Variants in DNM2 observed in about 807,000 individuals in gnomAD.
DNM2 encodes the protein dynamin-2.
In DNM2, 15 loss-of-function variants were observed where a neutral mutation model predicts 99.0. The observed-to-expected ratio is 0.15, with a 90% CI of 0.10 to 0.23. DNM2 has a LOEUF of 0.23. DNM2 is among the 10% of genes least tolerant of loss of function. The probability of loss-of-function intolerance (pLI) is 1.00; values close to 1 mark genes in which losing one functional copy is unlikely to be tolerated. For synonymous variants in DNM2, 525 were observed against 481.2 expected (o/e 1.09, Z -1.19); for missense variants, 742 against 1,189.4 (o/e 0.62, Z 5.53).
intron 1 of DNM2, among the ~76,000 whole-genome samples, chr19:10,727,190 G>A (rs141000903): frequency 1.3e-5 from 2 of 152,040 alleles, no homozygotes; most frequent in Admixed American, 6.6e-5. Flanking sequence ...CCAAAGCTGC[G>A]CTCTAGGCTG....
At position 10,772,681 on chromosome 19, in the gene DNM2, C is replaced by T; in HGVS notation, c.385+53C>T. ...CTGACCGTTTCTGGTCGTTCATGGA[C>T]AGTGCTATGGGTGAGCCTGTGTACT... On this transcript the variant is annotated intron_variant, in intron 3 of 20. Transcript: ENST00000389253. The surrounding 1 kb of genome is among the most constrained non-coding windows in gnomAD (Gnocchi z 4.9). The T allele has an allele frequency of 6.2e-7, 1 of 1,611,616 alleles. No homozygotes were observed. The highest frequency in any genetic ancestry group is 8.5e-7 in the Non-Finnish European group (1 of 1,179,384).
In DNM2 at chr19:10,811,859, C is replaced by T. The variant is rs1371548755; in HGVS notation, c.1558-405C>T. ...TCCTTGGGGAGGGCCCCTGGGCTCA[C>T]ACCTTTGACCCTAGCCCTCTGTGTG... On this transcript the variant is annotated intron_variant, in intron 14 of 20. Transcript: ENST00000389253. This position sits in a 1 kb window ranked among gnomAD's most constrained non-coding sequence, Gnocchi z 5.4. 1.8e-5 allele frequency: 9 copies of T among 505,350 alleles called. No individual in the cohort carries two copies. The highest frequency in any genetic ancestry group is 1.2e-4 in the South Asian group (8 of 69,212). 31.3% of individuals were successfully genotyped at this position (505,350 alleles called of 1,614,324 possible).
intron 1 of DNM2, among the ~76,000 whole-genome samples, chr19:10,751,554 C>T (rs1311453698): frequency 6.6e-6 from 1 of 152,148 alleles, no homozygotes; most frequent in Admixed American, 6.5e-5. Context: ...AGGGCCAGGC[C>T]CCTGCTCACC....
chr19:10,829,534 A>T (rs1460234293), intron 19 of DNM2, among the ~76,000 whole-genome samples: 1 of 152,120 alleles, frequency 6.6e-6, no homozygotes, highest in African/African-American at 2.4e-5. Flanking sequence ...GCACAGCCCA[A>T]ATGGAAGCTG....
rs1048328172 is a variant in DNM2 at position 10,816,247 on chromosome 19, G to A, written c.1672-3733G>A. ...CAGGCCTGATGTCCCCTTGACTGAG[G>A]ACATTGGGGGTGAAAGGATCATCCC... On this transcript the variant is annotated intron_variant, in intron 15 of 20. Coordinates refer to ENST00000389253, the MANE Select transcript of DNM2 (RefSeq NM_001005361.3). This position sits in a 1 kb window ranked among gnomAD's most constrained non-coding sequence, Gnocchi z 4.6. Among the ~76,000 whole-genome samples, 1 of 152,122 alleles carries A rather than the reference G, an allele frequency of 6.6e-6. No homozygotes were observed. The highest frequency in any genetic ancestry group is 2.4e-5 in the African/African-American group (1 of 41,426).
At chr19:10,747,583 G>A (rs2070034292) in intron 1 of DNM2, among the ~76,000 whole-genome samples, 1 of 152,192 alleles carries the variant, frequency 6.6e-6, no homozygotes, top group Non-Finnish European at 1.5e-5. Context: ...GTGGAAGTGA[G>A]AAGTCTCCTC....
In DNM2 at chr19:10,831,191, C is replaced by A; in HGVS notation, c.*144C>A. ...CCTCTTCCTTAACGCTGGCCCCGGT[C>A]CAGGGCCGGCCCCTGTGCCTGGCTG... On this transcript the variant is annotated 3_prime_UTR_variant, in exon 21 of 21. Coordinates refer to ENST00000389253, the MANE Select transcript of DNM2 (RefSeq NM_001005361.3). This position sits in a 1 kb window ranked among gnomAD's most constrained non-coding sequence, Gnocchi z 4.3. 1.4e-6 allele frequency: 2 copies of A among 1,403,122 alleles called. No homozygotes were observed. The highest frequency in any genetic ancestry group is 1.8e-6 in the Non-Finnish European group (2 of 1,082,480). The allele number at this position is 1,403,122 out of a possible 1,614,324, so 86.9% of individuals were successfully genotyped here.
chr19:10,720,750 G>A (rs1449150464), intron 1 of DNM2, among the ~76,000 whole-genome samples: 2 of 152,072 alleles, frequency 1.3e-5, no homozygotes, highest in East Asian at 1.9e-4. Flanking sequence ...AAGAAAAAGT[G>A]CTTACTTACC....
intron 18 of DNM2, chr19:10,828,832 G>A (rs2073235464): frequency 1.7e-6 from 1 of 591,620 alleles, no homozygotes; most frequent in African/African-American, 1.9e-5. Context: ...GGCTGAGGCA[G>A]GATAATTACT....
intron 1 of DNM2, among the ~76,000 whole-genome samples, chr19:10,740,373 T>G (rs753990616): frequency 6.8e-6 from 1 of 146,610 alleles, no homozygotes; most frequent in African/African-American, 2.6e-5. Context: ...AATCTTTCTC[T>G]TTTTTTTGTT....
chr19:10,748,975 G>A (rs539446851), intron 1 of DNM2, among the ~76,000 whole-genome samples: 1 of 152,330 alleles, frequency 6.6e-6, no homozygotes, highest in South Asian at 2.1e-4. Flanking sequence ...CATGCTGAAG[G>A]CTGGCTGTGG....
chr19:10,738,934 C>T lies in DNM2; in HGVS notation c.161+20531C>T, dbSNP rs1441092939. 2.0e-5 allele frequency among the ~76,000 whole-genome samples: 3 copies of T among 150,262 alleles called. No individual in the cohort carries two copies. In the South Asian group the frequency reaches 6.3e-4, roughly 32 times the overall value. ...CTGTAATCCCAGCACTTTGGGAGGC[C>T]GAGGTGGGCGGATCACGAGGTCAGG... On this transcript the variant is annotated intron_variant, in intron 1 of 20. Transcript: ENST00000389253.
Position 10,812,021 on chromosome 19 carries a change from T to C in DNM2, c.1558-243T>C, listed in dbSNP as rs1599602340. The C allele has an allele frequency of 2.0e-6, 1 of 509,930 alleles. No homozygotes were observed. 31.6% of individuals were successfully genotyped at this position (509,930 alleles called of 1,614,324 possible). On this transcript the variant is annotated intron_variant, in intron 14 of 20. Coordinates refer to ENST00000389253, the MANE Select transcript of DNM2 (RefSeq NM_001005361.3). The surrounding 1 kb of genome is among the most constrained non-coding windows in gnomAD (Gnocchi z 4.0). ...TTTCCATCAGGCCTCTGTGAGTCTA[T>C]ACCCCATCAGCCCCTGGCCCAGTGA...
chr19:10,785,826 T>A (rs2145974576), intron 6 of DNM2, among the ~76,000 whole-genome samples: 1 of 152,258 alleles, frequency 6.6e-6, no homozygotes, highest in East Asian at 1.9e-4. Flanking sequence ...TTTCTTTTTT[T>A]TTGAGACAGA....
chr19:10,770,514 A>G (rs1165227697), intron 2 of DNM2, among the ~76,000 whole-genome samples: 7 of 152,156 alleles, frequency 4.6e-5, no homozygotes, highest in Non-Finnish European at 1.0e-4. Flanking sequence ...CCTGGCTCAA[A>G]TGATCCTCCC....
At chr19:10,810,954 T>A (rs1385836945) in intron 14 of DNM2, 1 of 152,404 alleles carries the variant, frequency 6.6e-6, no homozygotes, top group African/African-American at 2.4e-5. Flanking sequence ...GGGGATGCTG[T>A]GACCTCACAG....
rs1299832303 is a variant in DNM2 at position 10,795,734 on chromosome 19, C to G, written c.1196+295C>G. 1.7e-6 allele frequency: 1 copy of G among 580,790 alleles called. No individual in the cohort carries two copies. Among genetic ancestry groups the G allele is most frequent in the African/African-American group, 1.9e-5 (1 of 53,564 alleles). 36.0% of individuals were successfully genotyped at this position (580,790 alleles called of 1,614,324 possible). A position where few individuals can be genotyped will look rare whatever the true frequency, so the allele number is the denominator to read the frequency against. ...CCTCATGCTAAACTAAGAATGCTCA[C>G]TGCAGATTTGCCTGGGGAGGGGCGG... is the stretch of plus-strand genomic sequence containing the variant. On this transcript the variant is annotated intron_variant, in intron 9 of 20. Coordinates refer to ENST00000389253, the MANE Select transcript of DNM2 (RefSeq NM_001005361.3). This position sits in a 1 kb window ranked among gnomAD's most constrained non-coding sequence, Gnocchi z 4.2.
intron 6 of DNM2, among the ~76,000 whole-genome samples, chr19:10,783,810 C>T (rs1319840451): frequency 6.6e-6 from 1 of 151,826 alleles, no homozygotes; most frequent in Non-Finnish European, 1.5e-5. Flanking sequence ...GAGTGATTCT[C>T]CTGCCTCAGC....
intron 2 of DNM2, among the ~76,000 whole-genome samples, chr19:10,762,408 C>T (rs1193947893): frequency 6.6e-6 from 1 of 152,194 alleles, no homozygotes; most frequent in Non-Finnish European, 1.5e-5. Flanking sequence ...AGAGCCTGCC[C>T]TGCTTGGTTT....
Sources: gnomAD v4.1 joint callset for allele counts (sites outside exome capture counted in the v4.1 genomes callset) on GRCh38, gnomAD v4.1.1 for gene constraint, Gnocchi (gnomAD v3.1) non-coding constraint, MANE v1.5 for transcripts, NCBI Gene and HGNC (gene_info 2026-07-23, HGNC 2026-07-21) for gene names.